ZNF865: variants seen among roughly 807,000 people sequenced by gnomAD.
ZNF865 encodes the protein zinc finger protein 865.
For synonymous variants in ZNF865, 763 were observed against 750.8 expected (o/e 1.02, Z -0.27); for missense variants, 1,311 against 1,593.4 (o/e 0.82, Z 3.02).
At position 55,615,595 on chromosome 19, in the gene ZNF865, G is replaced by A. The variant is rs766470408; in HGVS notation, c.1977G>A (p.Thr659=). 10 of 1,532,512 alleles carry A rather than the reference G, an allele frequency of 6.5e-6. No homozygotes were observed. The highest frequency in any genetic ancestry group is 8.7e-6 in the Non-Finnish European group (10 of 1,145,564). The allele number at this position is 1,532,512 out of a possible 1,614,324, so 94.9% of individuals were successfully genotyped here. The change falls in exon 2 of 2, where the codon ACG becomes ACA. Residue 659 remains threonine (T), a synonymous_variant. Coordinates refer to ENST00000568956, the MANE Select transcript of ZNF865 (RefSeq NM_001195605.2). ...CCTGTGGGCCCGGGGCCTCGGGCAC[G>A]TCTGCAGGGCCCACCGATGGGCTGA... ...PGACGPGASG[T]SAGPTDGLSY...
At position 55,614,466 on chromosome 19, in the gene ZNF865, G is replaced by C. The variant is rs1307301126; in HGVS notation, c.848G>C (p.Gly283Ala). 5 of 1,392,148 alleles carry C rather than the reference G, an allele frequency of 3.6e-6. No homozygotes were observed. Among genetic ancestry groups the C allele is most frequent in the Non-Finnish European group, 3.7e-6 (4 of 1,073,102 alleles). 86.2% of individuals were successfully genotyped at this position (1,392,148 alleles called of 1,614,324 possible). A position where few individuals can be genotyped will look rare whatever the true frequency, so the allele number is the denominator to read the frequency against. ...AAGGACGTGCCACCGGCCGCGGGGG[G>C]CCCGCCCCAGCCCGGCCCCCACCTC... is the stretch of plus-strand genomic sequence containing the variant. ...CHKDVPPAAG[G>A]PPQPGPHLPP... Residue 283 changes from glycine (G) to alanine (A), a missense_variant, in exon 2 of 2, where the codon GGC becomes GCC. Gly to Ala is a moderately conservative substitution (Grantham distance 60). Coordinates refer to ENST00000568956, the MANE Select transcript of ZNF865 (RefSeq NM_001195605.2). The surrounding 1 kb of genome is among the most constrained non-coding windows in gnomAD (Gnocchi z 8.0).
chr19:55,607,140 GA>G (rs956472006), intron 1 of ZNF865, among the ~76,000 whole-genome samples: 1 of 152,128 alleles, frequency 6.6e-6, no homozygotes, highest in Non-Finnish European at 1.5e-5. Flanking sequence ...CAGCTCTACC[GA>G]GCCCAGAATG....
chr19:55,614,461 G>A lies in ZNF865; in HGVS notation c.843G>A (p.Ala281=), dbSNP rs1028229543. 32 of 1,416,500 alleles carry A rather than the reference G, an allele frequency of 2.3e-5. No homozygotes were observed. Among genetic ancestry groups the A allele is most frequent in the African/African-American group, 3.0e-5 (2 of 66,796 alleles). 87.7% of individuals were successfully genotyped at this position (1,416,500 alleles called of 1,614,324 possible). A position where few individuals can be genotyped will look rare whatever the true frequency, so the allele number is the denominator to read the frequency against. Residue 281 remains alanine (A), a synonymous_variant, in exon 2 of 2, where the codon GCG becomes GCA. Coordinates refer to ENST00000568956, the MANE Select transcript of ZNF865 (RefSeq NM_001195605.2). The surrounding 1 kb of genome is among the most constrained non-coding windows in gnomAD (Gnocchi z 8.0). ...GCCACAAGGACGTGCCACCGGCCGCGGGGGGCCCGCCCCAGCCCGGCCCCC... is the reference window on the plus strand; with the variant it reads ...GCCACAAGGACGTGCCACCGGCCGCAGGGGGCCCGCCCCAGCCCGGCCCCC... ...RRCHKDVPPA[A]GGPPQPGPHL...
Position 55,614,991 on chromosome 19 carries a change from G to T in ZNF865, c.1373G>T (p.Arg458Leu). The change falls in exon 2 of 2, where the codon CGC becomes CTC. Residue 458 changes from arginine (R) to leucine (L), a missense_variant. Arg to Leu is a moderately radical substitution (Grantham distance 102). Coordinates refer to ENST00000568956, the MANE Select transcript of ZNF865 (RefSeq NM_001195605.2). The surrounding 1 kb of genome is among the most constrained non-coding windows in gnomAD (Gnocchi z 8.0). ...TACTCGGCTCCGCAGAGCCTGCTCC[G>T]CCACAAGGCCGCCCACGCCCCGCCC... is the stretch of plus-strand genomic sequence containing the variant. Reference protein sequence around the residue: ...KSYSAPQSLLRHKAAHAPPAA... With the variant: ...KSYSAPQSLLLHKAAHAPPAA... 2 of 1,411,304 alleles carry T rather than the reference G, an allele frequency of 1.4e-6. No homozygotes were observed. Among genetic ancestry groups the T allele is most frequent in the South Asian group, 1.5e-5 (1 of 68,242 alleles). The allele number at this position is 1,411,304 out of a possible 1,614,324, so 87.4% of individuals were successfully genotyped here.
At position 55,611,377 on chromosome 19, in the gene ZNF865, T is replaced by C. The variant is rs532983104; in HGVS notation, c.-26-2216T>C. Among the ~76,000 whole-genome samples, 2 of 152,052 alleles carry C rather than the reference T, an allele frequency of 1.3e-5. No individual in the cohort carries two copies. Among genetic ancestry groups the C allele is most frequent in the South Asian group, 4.2e-4 (2 of 4,802 alleles). ...CATAGCGCCCTAAATCACCCCCTAT[T>C]CCCTGCATCCTTATGGCCTGTGTTT... On this transcript the variant is annotated intron_variant, in intron 1 of 1. Transcript: ENST00000568956. This position sits in a 1 kb window ranked among gnomAD's most constrained non-coding sequence, Gnocchi z 4.5.
In ZNF865 at chr19:55,614,390, G is replaced by A. The variant is rs1981260999; in HGVS notation, c.772G>A (p.Gly258Ser). The change falls in exon 2 of 2, where the codon GGC becomes AGC. Residue 258 changes from glycine (G) to serine (S), a missense_variant. Transcript: ENST00000568956. This position sits in a 1 kb window ranked among gnomAD's most constrained non-coding sequence, Gnocchi z 8.0. ...GERPYECGVC[G>S]RTYNHVSSLI... is the part of the protein sequence containing the mutation. ...GAGGCCCTACGAATGCGGCGTCTGCGGCCGCACCTACAACCACGTGTCCAG... is the reference window on the plus strand; with the variant it reads ...GAGGCCCTACGAATGCGGCGTCTGCAGCCGCACCTACAACCACGTGTCCAG... The A allele has an allele frequency of 5.4e-6, 8 of 1,483,720 alleles. No individual in the cohort carries two copies. Among genetic ancestry groups the A allele is most frequent in the South Asian group, 1.3e-5 (1 of 79,058 alleles). The allele number at this position is 1,483,720 out of a possible 1,614,324, so 91.9% of individuals were successfully genotyped here. A position where few individuals can be genotyped will look rare whatever the true frequency, so the allele number is the denominator to read the frequency against.
Position 55,611,228 on chromosome 19 carries a change from G to A in ZNF865, c.-26-2365G>A, listed in dbSNP as rs559862318. On this transcript the variant is annotated intron_variant, in intron 1 of 1. Coordinates refer to ENST00000568956, the MANE Select transcript of ZNF865 (RefSeq NM_001195605.2). The surrounding 1 kb of genome is among the most constrained non-coding windows in gnomAD (Gnocchi z 4.5). The stretch of plus-strand genomic sequence containing the variant: ...GAGTCAGTGAATTAATATGTGTAAC[G>A]TGCTTAGAACCGTGGCGGGCCTCTA... Among the ~76,000 whole-genome samples the A allele has an allele frequency of 3.3e-5, 5 of 152,226 alleles. No individual in the cohort carries two copies. The East Asian group carries it at 9.6e-4, about 29-fold the overall frequency.
At chr19:55,606,538 C>T (rs983263913) in intron 1 of ZNF865, among the ~76,000 whole-genome samples, 1 of 152,218 alleles carries the variant, frequency 6.6e-6, no homozygotes, top group Non-Finnish European at 1.5e-5. Context: ...GAACAGTGTC[C>T]CGCAGTGAGG....
intron 1 of ZNF865, chr19:55,612,875 C>T (rs1421506747): frequency 6.6e-6 from 1 of 152,236 alleles, no homozygotes; most frequent in Admixed American, 6.5e-5. Flanking sequence ...ACATTTGATT[C>T]TGGCCCCAGA....
In ZNF865 at chr19:55,616,081, C is replaced by A. The variant is rs1981348141; in HGVS notation, c.2463C>A (p.Gly821=). 2.0e-6 allele frequency: 3 copies of A among 1,494,170 alleles called. No homozygotes were observed. The highest frequency in any genetic ancestry group is 1.8e-6 in the Non-Finnish European group (2 of 1,125,522). The allele number at this position is 1,494,170 out of a possible 1,614,324, so 92.6% of individuals were successfully genotyped here. ...KYVHLVRRTL[G]CGLCGQSFAG... ...TGCACCTGGTGCGACGGACCCTGGG[C>A]TGCGGCCTCTGCGGCCAGAGCTTCG... The change falls in exon 2 of 2, where the codon GGC becomes GGA. Residue 821 remains glycine (G), a synonymous_variant. Transcript: ENST00000568956.
chr19:55,606,165 G>C lies in ZNF865; in HGVS notation c.-27+433G>C, dbSNP rs74393506. 6.4e-3 allele frequency among the ~76,000 whole-genome samples: 976 copies of C among 152,186 alleles called. 10 individuals carry two copies. Among genetic ancestry groups the C allele is most frequent in the African/African-American group, 0.022 (893 of 41,526 alleles). ...CCCCAGAGTGTTTCCTTAGTGCCTT[G>C]CAGCAGAACTGTCCCCCGTTATCTC... On this transcript the variant is annotated intron_variant, in intron 1 of 1. Transcript: ENST00000568956.
In ZNF865 at chr19:55,615,022, C is replaced by T. The variant is rs1981295908; in HGVS notation, c.1404C>T (p.Ala468=). 1.5e-6 allele frequency: 2 copies of T among 1,332,752 alleles called. No homozygotes were observed. The highest frequency in any genetic ancestry group is 6.8e-5 in the East Asian group (2 of 29,528). 82.6% of individuals were successfully genotyped at this position (1,332,752 alleles called of 1,614,324 possible). A position where few individuals can be genotyped will look rare whatever the true frequency, so the allele number is the denominator to read the frequency against. Residue 468 remains alanine, a synonymous_variant, in exon 2 of 2, where the codon GCC becomes GCT. Coordinates refer to ENST00000568956, the MANE Select transcript of ZNF865 (RefSeq NM_001195605.2). ...AGGCCGCCCACGCCCCGCCCGCTGC[C>T]GCTGCGGAGGCGCCCAAGGACGGGG... ...RHKAAHAPPA[A]AAEAPKDGAA... is the part of the protein sequence containing the mutation.
chr19:55,607,276 A>G (rs1000712384), intron 1 of ZNF865, among the ~76,000 whole-genome samples: 43 of 152,182 alleles, frequency 2.8e-4, no homozygotes, highest in Admixed American at 2.4e-3. Flanking sequence ...CATGGAGTGG[A>G]TATGCTAGTT....
Position 55,615,484 on chromosome 19 carries a change from C to G in ZNF865, c.1866C>G (p.Thr622=). 6.6e-7 allele frequency: 1 copy of G among 1,509,964 alleles called. No homozygotes were observed. Among genetic ancestry groups the G allele is most frequent in the Middle Eastern group, 1.7e-4 (1 of 5,848 alleles). 93.5% of individuals were successfully genotyped at this position (1,509,964 alleles called of 1,614,324 possible). ...GKVFGYPQSL[T]RHRQVHRLQL... ...TCTTCGGCTACCCGCAGAGCCTCAC[C>G]CGCCACCGCCAGGTGCACCGGCTCC... is the stretch of plus-strand genomic sequence containing the variant. Residue 622 remains threonine, a synonymous_variant, in exon 2 of 2, where the codon ACC becomes ACG. Transcript: ENST00000568956.
In ZNF865 at chr19:55,614,175, C is replaced by G. The variant is rs1194255343; in HGVS notation, c.557C>G (p.Pro186Arg). 3 of 1,478,766 alleles carry G rather than the reference C, an allele frequency of 2.0e-6. No individual in the cohort carries two copies. Among genetic ancestry groups the G allele is most frequent in the East Asian group, 2.7e-5 (1 of 36,854 alleles). 91.6% of individuals were successfully genotyped at this position (1,478,766 alleles called of 1,614,324 possible). The part of the protein sequence containing the change: ...GLGAPAGAPG[P>R]LPAPSQTPPG... ...GGCGCTCCCGCGGGGGCCCCAGGGC[C>G]GCTTCCTGCCCCCTCGCAGACCCCG... Residue 186 changes from proline (P) to arginine (R), a missense_variant, in exon 2 of 2, where the codon CCG becomes CGG. Pro to Arg is a moderately radical substitution (Grantham distance 103). Coordinates refer to ENST00000568956, the MANE Select transcript of ZNF865 (RefSeq NM_001195605.2). This position sits in a 1 kb window ranked among gnomAD's most constrained non-coding sequence, Gnocchi z 8.0.
chr19:55,613,923 C>T lies in ZNF865; in HGVS notation c.305C>T (p.Ser102Phe), dbSNP rs1439344910. The T allele has an allele frequency of 6.5e-7, 1 of 1,529,002 alleles. No homozygotes were observed. Among genetic ancestry groups the T allele is most frequent in the Non-Finnish European group, 8.8e-7 (1 of 1,141,270 alleles). The allele number at this position is 1,529,002 out of a possible 1,614,324, so 94.7% of individuals were successfully genotyped here. ...PSSSSSSSSS[S>F]SSSSSSSSSS... Reference sequence around the variant, plus strand: ...TCGTCCTCGTCCTCGTCCTCCTCCTCCTCCTCTTCGTCCTCCTCGTCGTCA... The same window carrying T: ...TCGTCCTCGTCCTCGTCCTCCTCCTTCTCCTCTTCGTCCTCCTCGTCGTCA... Residue 102 changes from serine (S) to phenylalanine (F), a missense_variant, in exon 2 of 2, where the codon TCC (serine) becomes TTC (phenylalanine). By Grantham distance (155) the Ser-to-Phe change is radical (BLOSUM62 -2). Transcript: ENST00000568956.
rs1376942109 is a variant in ZNF865 at position 55,616,389 on chromosome 19, G to T, written c.2771G>T (p.Arg924Leu). ...TCGTCCAGCCTGGCAGAGCACCGGCGGCTGCACGCTGTGGCCCGGCCCCAG... is the reference window on the plus strand; with the variant it reads ...TCGTCCAGCCTGGCAGAGCACCGGCTGCTGCACGCTGTGGCCCGGCCCCAG... ...AQSSSLAEHRRLHAVARPQRC... is the reference protein window; with the variant it reads ...AQSSSLAEHRLLHAVARPQRC... The change falls in exon 2 of 2, where the codon CGG becomes CTG. Residue 924 changes from arginine to leucine, a missense_variant. Transcript: ENST00000568956. 4 of 1,508,232 alleles carry T rather than the reference G, an allele frequency of 2.7e-6. No homozygotes were observed. The highest frequency in any genetic ancestry group is 2.6e-6 in the Non-Finnish European group (3 of 1,134,826). The allele number at this position is 1,508,232 out of a possible 1,614,324, so 93.4% of individuals were successfully genotyped here. A position where few individuals can be genotyped will look rare whatever the true frequency, so the allele number is the denominator to read the frequency against.
In ZNF865 at chr19:55,611,778, G is replaced by A. The variant is rs763652614; in HGVS notation, c.-26-1815G>A. On this transcript the variant is annotated intron_variant, in intron 1 of 1. Transcript: ENST00000568956. This position sits in a 1 kb window ranked among gnomAD's most constrained non-coding sequence, Gnocchi z 4.5. ...CGGGTAGGGATGATGGACAGGAAGC[G>A]GGTCAGACCTCATGGGCCCTTCACC... Among the ~76,000 whole-genome samples the A allele has an allele frequency of 3.5e-4, 54 of 152,144 alleles. No homozygotes were observed. The highest frequency in any genetic ancestry group is 7.2e-4 in the African/African-American group (30 of 41,426).
Position 55,613,590 on chromosome 19 carries a change from C to T in ZNF865, c.-26-3C>T, listed in dbSNP as rs1013768701. On this transcript the variant is annotated splice_region_variant and splice_polypyrimidine_tract_variant and intron_variant, in intron 1 of 1. Transcript: ENST00000568956. Reference sequence around the variant, plus strand: ...GTCCTCAGCCCCGTCCTCCTCTTCACAGGGTCTCCCGTCTCCCACCCGCCG... The same window carrying T: ...GTCCTCAGCCCCGTCCTCCTCTTCATAGGGTCTCCCGTCTCCCACCCGCCG... 5 of 1,492,064 alleles carry T rather than the reference C, an allele frequency of 3.4e-6. No homozygotes were observed. The highest frequency in any genetic ancestry group is 1.3e-5 in the South Asian group (1 of 75,924). 92.4% of individuals were successfully genotyped at this position (1,492,064 alleles called of 1,614,324 possible). A position where few individuals can be genotyped will look rare whatever the true frequency, so the allele number is the denominator to read the frequency against.
Sources: gnomAD v4.1 joint callset for allele counts (sites outside exome capture counted in the v4.1 genomes callset) on GRCh38, gnomAD v4.1.1 for gene constraint, Gnocchi (gnomAD v3.1) non-coding constraint, MANE v1.5 for transcripts, NCBI Gene and HGNC (gene_info 2026-07-23, HGNC 2026-07-21) for gene names.